Variants in DOCK1 observed in about 807,000 individuals in gnomAD.
DOCK1 encodes dedicator of cytokinesis 1.
DOCK1 carries 138 observed loss-of-function variants against 262.7 expected under a neutral mutation model. That is an observed-to-expected ratio of 0.53 (90% CI 0.46 to 0.61). DOCK1 has a LOEUF of 0.61. DOCK1 is among the 20% of genes least tolerant of loss of function. The probability of loss-of-function intolerance (pLI) is 0.00; values close to 1 mark genes in which losing one functional copy is unlikely to be tolerated. For missense variants in DOCK1, 1,908 were observed against 2,370.7 expected (o/e 0.80, Z 4.05); for synonymous variants, 866 against 867.4 (o/e 1.00, Z 0.03).
At chr10:127,336,740 T>G (rs571980886) in intron 29 of DOCK1, among the ~76,000 whole-genome samples, 2 of 152,028 alleles carry the variant, frequency 1.3e-5, no homozygotes, top group Non-Finnish European at 2.9e-5. Context: ...GGGGTTTCAC[T>G]GTGTTAGCCA....
chr10:126,906,389 T>C (rs1156741318), intron 1 of DOCK1, among the ~76,000 whole-genome samples: 1 of 152,148 alleles, frequency 6.6e-6, no homozygotes, highest in Non-Finnish European at 1.5e-5. Context: ...CCGCAGCCGG[T>C]CGCCGAGGCC....
intron 27 of DOCK1, among the ~76,000 whole-genome samples, chr10:127,157,396 A>G (rs2053185661): frequency 2.0e-5 from 3 of 152,276 alleles, no homozygotes; most frequent in Admixed American, 2.0e-4. Context: ...GTATAAAATG[A>G]GAGGCCCTTT....
intron 10 of DOCK1, among the ~76,000 whole-genome samples, chr10:127,005,415 T>G (rs2040941876): frequency 6.6e-6 from 1 of 152,200 alleles, no homozygotes; most frequent in Admixed American, 6.5e-5. Flanking sequence ...TATCTGTTCA[T>G]AGGCTACTTC....
At chr10:127,206,573 G>A (rs1432787955) in intron 27 of DOCK1, among the ~76,000 whole-genome samples, 5 of 152,164 alleles carry the variant, frequency 3.3e-5, no homozygotes, top group South Asian at 2.1e-4. Context: ...TGTGATTTGC[G>A]CTGTGAGAGC....
intron 27 of DOCK1, among the ~76,000 whole-genome samples, chr10:127,173,105 A>G (rs1480902849): frequency 6.6e-6 from 1 of 152,144 alleles, no homozygotes; most frequent in Non-Finnish European, 1.5e-5. Context: ...CAAGACCACT[A>G]AGTCCTCCCC....
At chr10:126,993,004 G>A (rs141743983) in intron 6 of DOCK1, among the ~76,000 whole-genome samples, 69 of 152,350 alleles carry the variant, frequency 4.5e-4, no homozygotes, top group Non-Finnish European at 7.9e-4. Flanking sequence ...AGGCCACTTC[G>A]TTTGATGGTT....
intron 27 of DOCK1, among the ~76,000 whole-genome samples, chr10:127,151,131 T>C (rs1233567966): frequency 6.6e-6 from 1 of 152,198 alleles, no homozygotes; most frequent in East Asian, 1.9e-4. Flanking sequence ...AGAAAACTCT[T>C]ATCCAACATA....
intron 29 of DOCK1, among the ~76,000 whole-genome samples, chr10:127,286,715 C>A (rs1362852823): frequency 6.6e-6 from 1 of 152,092 alleles, no homozygotes; most frequent in Non-Finnish European, 1.5e-5. Context: ...TTTTTAACAC[C>A]TCTATATTAT....
chr10:127,306,630 A>G (rs1221156138), intron 29 of DOCK1, among the ~76,000 whole-genome samples: 2 of 152,136 alleles, frequency 1.3e-5, no homozygotes, highest in Non-Finnish European at 2.9e-5. Flanking sequence ...CCTATTCAGC[A>G]TTACATCAGC....
At chr10:127,180,256 A>G (rs1445322708) in intron 27 of DOCK1, among the ~76,000 whole-genome samples, 4 of 152,204 alleles carry the variant, frequency 2.6e-5, no homozygotes, top group Admixed American at 2.6e-4. Flanking sequence ...TGGAGCACTG[A>G]GTGAATGTTG....
At chr10:127,028,927 C>T (rs1336380644) in intron 16 of DOCK1, among the ~76,000 whole-genome samples, 4 of 152,124 alleles carry the variant, frequency 2.6e-5, no homozygotes, top group African/African-American at 7.2e-5. Flanking sequence ...TTGAGGCCCA[C>T]GGAGGAAGCA....
chr10:127,144,715 C>T (rs1385140314), intron 27 of DOCK1, among the ~76,000 whole-genome samples: 3 of 152,096 alleles, frequency 2.0e-5, no homozygotes, highest in Non-Finnish European at 2.9e-5. Context: ...TTTAAAATAT[C>T]AGTGGTTTGT....
intron 40 of DOCK1, 116 bp downstream of exon 40, chr10:127,404,545 C>A: frequency 1.1e-6 from 1 of 925,986 alleles, no homozygotes; most frequent in Non-Finnish European, 1.7e-6. Context: ...CAACTCTCTA[C>A]ACTGCCATAG....
chr10:127,221,741 C>G (rs1193750752), intron 27 of DOCK1, among the ~76,000 whole-genome samples: 1 of 152,182 alleles, frequency 6.6e-6, no homozygotes, highest in African/African-American at 2.4e-5. Context: ...AAGTGGTGTC[C>G]TGGTGAGAAC....
At chr10:127,433,973 G>A (rs372321459) in intron 48 of DOCK1, among the ~76,000 whole-genome samples, 3 of 152,030 alleles carry the variant, frequency 2.0e-5, no homozygotes, top group East Asian at 3.9e-4. Context: ...GCAAGGTGCA[G>A]TCCGGGCTGG....
At chr10:126,987,444 T>A (rs2039488175) in intron 4 of DOCK1, 77 bp from the exon 5 acceptor site, 2 of 1,200,818 alleles carry the variant, frequency 1.7e-6, no homozygotes, top group African/African-American at 1.5e-5. Context: ...ATGGCCTAGA[T>A]GTGAAATTTA....
At chr10:127,223,558 T>G (rs2058520104) in intron 27 of DOCK1, among the ~76,000 whole-genome samples, 1 of 152,204 alleles carries the variant, frequency 6.6e-6, no homozygotes, top group Non-Finnish European at 1.5e-5. Context: ...AGATGAGAGA[T>G]ATTGAACCGG....
chr10:126,928,689 G>T (rs969322734), intron 1 of DOCK1, among the ~76,000 whole-genome samples: 3 of 152,236 alleles, frequency 2.0e-5, no homozygotes, highest in African/African-American at 7.2e-5. Flanking sequence ...GTTAAGAAGA[G>T]GAGGGACGCA....
At chr10:127,322,763 T>C (rs1389376762) in intron 29 of DOCK1, among the ~76,000 whole-genome samples, 3 of 152,260 alleles carry the variant, frequency 2.0e-5, no homozygotes, top group Non-Finnish European at 4.4e-5. Context: ...GCTGTTATAA[T>C]AGCAGAGTCT....
Sources: allele counts gnomAD v4.1 joint callset (sites outside exome capture counted in the v4.1 genomes callset), GRCh38; gene constraint gnomAD v4.1.1; transcripts MANE v1.5; gene names NCBI Gene and HGNC (gene_info 2026-07-23, HGNC 2026-07-21).